Variants in MACF1 observed in about 807,000 individuals in gnomAD.
MACF1 encodes microtubule actin crosslinking factor 1.
In MACF1, 193 loss-of-function variants were observed where a neutral mutation model predicts 854.8. That is an observed-to-expected ratio of 0.23 (90% CI 0.20 to 0.25). The LOEUF is 0.25. Among genes scored for constraint, MACF1 ranks in the 10% least tolerant of loss-of-function variants. The probability of loss-of-function intolerance (pLI) is 1.00; values close to 1 mark genes in which losing one functional copy is unlikely to be tolerated. For synonymous variants in MACF1, 3,185 were observed against 3,226.7 expected, an observed-to-expected ratio of 0.99 and a Z score of 0.44; for missense variants, 7,722 against 8,929.1, an observed-to-expected ratio of 0.86 and a Z score of 5.45.
At chr1:39,238,127 A>T (rs972651815) in intron 2 of MACF1, among the ~76,000 whole-genome samples, 1 of 152,234 alleles carries the variant, frequency 6.6e-6, no homozygotes, top group East Asian at 1.9e-4. Flanking sequence ...CTTTGACTGC[A>T]GTTTTCCCTG....
rs1643849365 is a variant in MACF1 at position 39,430,122 on chromosome 1, C to T, written c.17130+54C>T. ...AAAAAGGCTTCCTCTTTGTCAGAAT[C>T]CTTAAGTTTTATCAACCTTTACCTT... is the stretch of plus-strand genomic sequence containing the variant. On this transcript the variant is annotated intron_variant, in intron 65 of 100. Transcript: ENST00000564288. 3 of 1,563,722 alleles carry T rather than the reference C, an allele frequency of 1.9e-6. No homozygotes were observed. The East Asian group carries it at 6.7e-5, about 35-fold the overall frequency.
chr1:39,374,607 C>T (rs1450574510), intron 52 of MACF1, among the ~76,000 whole-genome samples: 1 of 152,032 alleles, frequency 6.6e-6, no homozygotes. Flanking sequence ...TATACCTCTG[C>T]CATTGTAACA....
chr1:39,333,154 G>T lies in MACF1; in HGVS notation c.6566G>T (p.Gly2189Val), dbSNP rs763567705. 1 of 1,613,852 alleles carries T rather than the reference G, an allele frequency of 6.2e-7. No homozygotes were observed. The highest frequency in any genetic ancestry group is 1.3e-5 in the African/African-American group (1 of 75,012). ...ETEYIHDETG[G>V]SHIKPQSKKL... is the part of the protein sequence containing the mutation. ...GAATATATTCATGATGAAACTGGAG[G>T]ATCTCACATAAAACCCCAAAGCAAA... Residue 2189 changes from glycine to valine, a missense_variant, in exon 37 of 101, where the codon GGA (glycine) becomes GTA (valine). Transcript: ENST00000564288.
chr1:39,476,978 T>G (rs1644896822), intron 97 of MACF1, among the ~76,000 whole-genome samples: 1 of 146,532 alleles, frequency 6.8e-6, no homozygotes, highest in Non-Finnish European at 1.5e-5. Flanking sequence ...CATGGATGTC[T>G]GCTGGGCCTG....
chr1:39,313,298 T>C (rs1351434751), intron 26 of MACF1, among the ~76,000 whole-genome samples: 1 of 152,208 alleles, frequency 6.6e-6, no homozygotes. Context: ...CTATTTTCCC[T>C]TTGTAATTAC....
At chr1:39,298,087 G>A (rs1416906751) in intron 21 of MACF1, among the ~76,000 whole-genome samples, 1 of 151,782 alleles carries the variant, frequency 6.6e-6, no homozygotes, top group East Asian at 1.9e-4. Context: ...ATGAAGAAAA[G>A]GTTGAAGGGG....
At position 39,157,947 on chromosome 1, in the gene MACF1, A is replaced by G. The variant is rs576029401; in HGVS notation, c.221-73235A>G. Among the ~76,000 whole-genome samples, 116 of 152,292 alleles carry G rather than the reference A, an allele frequency of 7.6e-4. 1 individual carries two copies. The highest frequency in any genetic ancestry group is 1.3e-3 in the Non-Finnish European group (88 of 68,024). On this transcript the variant is annotated intron_variant, in intron 2 of 93. Transcript: ENST00000361689. The stretch of plus-strand genomic sequence containing the variant: ...GGACTTCTGTCTGTTTTCTCATCTG[A>G]TAATGAAAAGTTGCAATTATTTTCA...
Position 39,336,128 on chromosome 1 carries a change from A to G in MACF1, c.9540A>G (p.Pro3180=). Residue 3180 remains proline (P), a synonymous_variant, in exon 37 of 101, where the codon CCA becomes CCG. Coordinates refer to ENST00000564288, the MANE Select transcript of MACF1 (RefSeq NM_001394062.1). ...EKSYQEVSFD[P]ARGLKLEEIT... The stretch of plus-strand genomic sequence containing the variant: ...CATACCAAGAAGTATCTTTTGACCC[A>G]GCAAGAGGTCTTAAATTGGAAGAAA... 6.2e-7 allele frequency: 1 copy of G among 1,614,182 alleles called. No individual in the cohort carries two copies. Among genetic ancestry groups the G allele is most frequent in the Admixed American group, 1.7e-5 (1 of 60,020 alleles).
chr1:39,213,443 T>C lies in MACF1; in HGVS notation c.109+8312T>C, dbSNP rs188292953. Among the ~76,000 whole-genome samples the C allele has an allele frequency of 2.0e-3, 303 of 152,344 alleles. 2 individuals are homozygous for C. The highest frequency in any genetic ancestry group is 7.1e-3 in the African/African-American group (294 of 41,582). On this transcript the variant is annotated intron_variant, in intron 1 of 100. Transcript: ENST00000564288. Reference sequence around the variant, plus strand: ...ACCTCCCGGGTTCAAGCAGTTCTCCTGCCTCAGCCTCTCAAGTAGCTGGGA... The same window carrying C: ...ACCTCCCGGGTTCAAGCAGTTCTCCCGCCTCAGCCTCTCAAGTAGCTGGGA...
intron 40 of MACF1, among the ~76,000 whole-genome samples, chr1:39,341,738 T>A (rs767899471): frequency 5.9e-5 from 9 of 151,792 alleles, no homozygotes; most frequent in Non-Finnish European, 8.8e-5. Flanking sequence ...TCAGTGATAA[T>A]GATCATTTCT....
At chr1:39,461,439 A>T (rs762675621) in intron 92 of MACF1, among the ~76,000 whole-genome samples, 2 of 152,134 alleles carry the variant, frequency 1.3e-5, no homozygotes, top group Non-Finnish European at 2.9e-5. Context: ...GGGAGTCTAT[A>T]AGTGGATATG....
chr1:39,101,922 A>G (rs1642089645), intron 2 of MACF1, among the ~76,000 whole-genome samples: 1 of 151,756 alleles, frequency 6.6e-6, no homozygotes. Flanking sequence ...CGCGCCTGTA[A>G]TCCCAGCACT....
At chr1:39,386,840 C>T (rs1232230675) in intron 57 of MACF1, among the ~76,000 whole-genome samples, 1 of 152,236 alleles carries the variant, frequency 6.6e-6, no homozygotes, top group Non-Finnish European at 1.5e-5. Flanking sequence ...GCTGGGATTA[C>T]AGGCATGAGC....
chr1:39,400,898 T>C (rs1430366235), intron 58 of MACF1, among the ~76,000 whole-genome samples: 1 of 152,212 alleles, frequency 6.6e-6, no homozygotes, highest in African/African-American at 2.4e-5. Context: ...CAGCACCAGA[T>C]TATTTTCTTC....
chr1:39,251,700 T>A, intron 3 of MACF1, 146 bp from the exon 4 acceptor site: 1 of 433,402 alleles, frequency 2.3e-6, no homozygotes, highest in Non-Finnish European at 4.0e-6. Context: ...TGGTTTTGAT[T>A]TAGTTTTGTA....
chr1:39,169,077 A>G (rs897524792), intron 2 of MACF1, among the ~76,000 whole-genome samples: 1 of 152,058 alleles, frequency 6.6e-6, no homozygotes, highest in African/African-American at 2.4e-5. Context: ...CCCCATTTTC[A>G]ATCTGTCATT....
intron 54 of MACF1, 135 bp from the exon 55 acceptor site, chr1:39,380,109 C>T (rs985911000): frequency 5.1e-6 from 4 of 781,808 alleles, no homozygotes; most frequent in Non-Finnish European, 8.2e-6. Context: ...AGTATCTTAA[C>T]ACCACTAAAC....
Position 39,310,258 on chromosome 1 carries a change from C to A in MACF1, c.2930C>A (p.Ala977Glu), listed in dbSNP as rs762693468. Residue 977 changes from alanine (A) to glutamate (E), a missense_variant, in exon 25 of 101, where the codon GCA (alanine) becomes GAA (glutamate). Around this residue, in one of 15 missense-constraint regions of MACF1, gnomAD observed 1,137 missense variants for 1,263.0 expected, o/e 0.90. Coordinates refer to ENST00000564288, the MANE Select transcript of MACF1 (RefSeq NM_001394062.1). ...TWNLEKLRSS[A>E]PGECHQIMKN... ...TTTTCTTTCTAGCTTCGATCCTCAG[C>A]ACCAGGGGAGTGCCATCAGATTATG... is the stretch of plus-strand genomic sequence containing the variant. 1 of 1,612,748 alleles carries A rather than the reference C, an allele frequency of 6.2e-7. No homozygotes were observed. Among genetic ancestry groups the A allele is most frequent in the South Asian group, 1.1e-5 (1 of 90,778 alleles).
chr1:39,359,142 A>T lies in MACF1; in HGVS notation c.12122A>T (p.Gln4041Leu), dbSNP rs1647848397. The change falls in exon 47 of 101, where the codon CAG (glutamine) becomes CTG (leucine). Residue 4041 changes from glutamine to leucine, a missense_variant and splice_region_variant. Coordinates refer to ENST00000564288, the MANE Select transcript of MACF1 (RefSeq NM_001394062.1). Reference sequence around the variant, plus strand: ...TTTGTTTTTTTCATGGACAAGCAGCAGTTGCAGGAGGAATTGGCTGAGCAC... The same window carrying T: ...TTTGTTTTTTTCATGGACAAGCAGCTGTTGCAGGAGGAATTGGCTGAGCAC... ...VLQEQLATTKQLQEELAEHQV... is the reference protein window; with the variant it reads ...VLQEQLATTKLLQEELAEHQV... 6.2e-7 allele frequency: 1 copy of T among 1,613,932 alleles called. No homozygotes were observed. Among genetic ancestry groups the T allele is most frequent in the East Asian group, 2.2e-5 (1 of 44,874 alleles).
Sources: gnomAD v4.1 joint callset for allele counts (sites outside exome capture counted in the v4.1 genomes callset) on GRCh38, gnomAD v4.1.1 for gene constraint, gnomAD v4.1.1 regional missense constraint, MANE v1.5 for transcripts, NCBI Gene and HGNC (gene_info 2026-07-23, HGNC 2026-07-21) for gene names.